WWOX: variants seen among roughly 807,000 people sequenced by gnomAD.
WWOX encodes the protein WW domain containing oxidoreductase.
In WWOX, 69 loss-of-function variants were observed where a neutral mutation model predicts 46.2. The ratio of observed to expected loss-of-function variants is 1.49; its 90% CI spans 1.23 to 1.82. The LOEUF is 1.82. Among genes scored for constraint, WWOX ranks in the 40% most tolerant of loss-of-function variants. WWOX has a pLI of 0.00. For missense variants in WWOX, 919 were observed against 542.6 expected, an observed-to-expected ratio of 1.69 and a Z score of -6.89; for synonymous variants, 359 against 202.6, an observed-to-expected ratio of 1.77 and a Z score of -6.56.
At chr16:78,854,125 G>A (rs956144550) in intron 8 of WWOX, among the ~76,000 whole-genome samples, 33 of 151,954 alleles carry the variant, frequency 2.2e-4, no homozygotes, top group African/African-American at 8.0e-4. Flanking sequence ...TGACTTTGCC[G>A]AACAGTTATT....
chr16:78,974,309 G>A (rs1446864812), intron 8 of WWOX, among the ~76,000 whole-genome samples: 1 of 152,212 alleles, frequency 6.6e-6, no homozygotes, highest in African/African-American at 2.4e-5. Context: ...CCGCCTTCCA[G>A]TACAGATAAT....
At chr16:79,034,692 A>G (rs1292599744) in intron 8 of WWOX, among the ~76,000 whole-genome samples, 1 of 151,676 alleles carries the variant, frequency 6.6e-6, no homozygotes, top group African/African-American at 2.4e-5. Flanking sequence ...TTTTTTTTCA[A>G]AGCACTTAAT....
chr16:79,029,943 G>A (rs545501674), intron 8 of WWOX, among the ~76,000 whole-genome samples: 26 of 152,276 alleles, frequency 1.7e-4, no homozygotes, highest in Middle Eastern at 3.4e-3. Context: ...GCCAAGAGCC[G>A]TTGTGTTTTA....
chr16:78,762,387 C>T (rs1278925641), intron 8 of WWOX, among the ~76,000 whole-genome samples: 1 of 152,210 alleles, frequency 6.6e-6, no homozygotes, highest in Non-Finnish European at 1.5e-5. Flanking sequence ...ACCAGAGTCT[C>T]TTGGTGACTC....
intron 8 of WWOX, among the ~76,000 whole-genome samples, chr16:78,830,012 C>T (rs1235229120): frequency 6.6e-6 from 1 of 152,056 alleles, no homozygotes; most frequent in Non-Finnish European, 1.5e-5. Flanking sequence ...AAGCCCAGTG[C>T]TTTGGGAGTC....
At chr16:78,724,009 G>T (rs1002439130) in intron 8 of WWOX, among the ~76,000 whole-genome samples, 3 of 152,148 alleles carry the variant, frequency 2.0e-5, no homozygotes, top group Admixed American at 6.5e-5. Context: ...CAGCAGGAGC[G>T]GGAGAGGATG....
chr16:78,881,887 C>T (rs532938176), intron 8 of WWOX, among the ~76,000 whole-genome samples: 1 of 152,104 alleles, frequency 6.6e-6, no homozygotes, highest in Non-Finnish European at 1.5e-5. Flanking sequence ...CTTTGGTAGG[C>T]CGAGGTAGGT....
intron 6 of WWOX, among the ~76,000 whole-genome samples, chr16:78,423,049 C>G (rs2082989588): frequency 6.6e-6 from 1 of 151,804 alleles, no homozygotes; most frequent in African/African-American, 2.4e-5. Context: ...CCACGCTGGG[C>G]TAACTTTTGT....
intron 8 of WWOX, among the ~76,000 whole-genome samples, chr16:78,729,456 C>G (rs529208427): frequency 2.6e-4 from 40 of 152,204 alleles, no homozygotes; most frequent in African/African-American, 8.9e-4. Flanking sequence ...AGAATGCAAG[C>G]ATCCTTATGG....
chr16:78,651,842 C>G (rs1418237624), intron 8 of WWOX, among the ~76,000 whole-genome samples: 1 of 152,168 alleles, frequency 6.6e-6, no homozygotes, highest in Admixed American at 6.5e-5. Context: ...ATGCCTTATT[C>G]TTTCGGAGCC....
rs965997328 is a variant in WWOX, at chr16:78,410,147, C to T, written c.606-14723C>T. ...CTCTTGCCCTCACCATGTTAGCTGC[C>T]TACTCCCCTTTTGCCTTCCGCCATG... On this transcript the variant is annotated intron_variant, in intron 6 of 8. Transcript: ENST00000566780. 3.3e-5 allele frequency among the ~76,000 whole-genome samples: 5 copies of T among 152,306 alleles called. No homozygotes were observed. The East Asian group carries it at 9.6e-4, about 29-fold the overall frequency.
At chr16:78,131,944 A>G (rs572661185) in intron 4 of WWOX, among the ~76,000 whole-genome samples, 3 of 151,096 alleles carry the variant, frequency 2.0e-5, no homozygotes, top group Admixed American at 6.6e-5. Flanking sequence ...CTTATAAGTT[A>G]AAAAGAACTT....
intron 8 of WWOX, among the ~76,000 whole-genome samples, chr16:78,916,178 G>A (rs954568562): frequency 2.6e-5 from 4 of 152,164 alleles, no homozygotes; most frequent in Non-Finnish European, 5.9e-5. Context: ...TAAACACGCT[G>A]CACAAGGAAG....
intron 8 of WWOX, among the ~76,000 whole-genome samples, chr16:78,543,281 C>A (rs2043942626): frequency 1.3e-5 from 2 of 152,224 alleles, no homozygotes; most frequent in Admixed American, 6.5e-5. Context: ...TCTTGGCTGC[C>A]TACTGGCTAG....
chr16:78,989,258 C>T (rs1165434608), intron 8 of WWOX, among the ~76,000 whole-genome samples: 1 of 151,974 alleles, frequency 6.6e-6, no homozygotes, highest in Non-Finnish European at 1.5e-5. Flanking sequence ...TCTAAGAATT[C>T]TAATTCAATT....
At chr16:78,422,684 T>TATATATATATATATATATATATAC (rs1263877025) in intron 6 of WWOX, among the ~76,000 whole-genome samples, 1,232 of 52,770 alleles carry the variant, frequency 0.023, 160 homozygotes, top group South Asian at 0.034. Flanking sequence ...TATATATATA[T>TATATATATATATATATATATATAC]ACACACACAC....
intron 8 of WWOX, among the ~76,000 whole-genome samples, chr16:78,692,547 G>T (rs72796647): frequency 8.2e-4 from 125 of 152,258 alleles, no homozygotes; most frequent in Non-Finnish European, 1.4e-3. Context: ...GCTCTTATGG[G>T]TAACACCTGT....
intron 4 of WWOX, among the ~76,000 whole-genome samples, chr16:78,116,826 G>A (rs2032817374): frequency 6.6e-6 from 1 of 152,182 alleles, no homozygotes; most frequent in Middle Eastern, 3.2e-3. Flanking sequence ...TAATCTTCTA[G>A]CTAGACTCTT....
At chr16:78,626,646 T>A (rs923833174) in intron 8 of WWOX, among the ~76,000 whole-genome samples, 4 of 152,176 alleles carry the variant, frequency 2.6e-5, no homozygotes, top group African/African-American at 9.7e-5. Context: ...CCCTCTACTT[T>A]CCACACTGCT....
Sources: gnomAD v4.1 joint callset for allele counts (sites outside exome capture counted in the v4.1 genomes callset) on GRCh38, gnomAD v4.1.1 for gene constraint, MANE v1.5 for transcripts, NCBI Gene and HGNC (gene_info 2026-07-23, HGNC 2026-07-21) for gene names.